The following PPP2R3C variants were observed in gnomAD, a reference collection of about 807,000 sequenced individuals.
The protein encoded by PPP2R3C is serine/threonine-protein phosphatase 2A regulatory subunit B'' subunit gamma.
In PPP2R3C, 47 loss-of-function variants were observed where a neutral mutation model predicts 63.7. The observed-to-expected ratio is 0.74, with a 90% confidence interval of 0.58 to 0.94. The LOEUF is 0.94. PPP2R3C is among the 40% of genes least tolerant of loss of function. The pLI is 0.00. For missense variants in PPP2R3C, 421 were observed against 518.4 expected, an observed-to-expected ratio of 0.81 and a Z score of 1.82; for synonymous variants, 180 against 177.4, an observed-to-expected ratio of 1.01 and a Z score of -0.12.
intron 12 of PPP2R3C, 117 bp from the exon 13 acceptor site, chr14:35,085,895 C>T: frequency 1.3e-6 from 1 of 766,838 alleles, no homozygotes; most frequent in Non-Finnish European, 2.0e-6. Context: ...AAATTGAGGG[C>T]TGCCACTTGG....
intron 7 of PPP2R3C, among the ~76,000 whole-genome samples, 178 bp from the exon 8 acceptor site, chr14:35,096,942 C>T (rs1275728436): frequency 2.0e-5 from 3 of 152,160 alleles, no homozygotes; most frequent in Non-Finnish European, 4.4e-5. Context: ...CGGCTGGGCG[C>T]GGTGGCTCAC....
At chr14:35,111,925 T>A (rs2046574917) in intron 2 of PPP2R3C, among the ~76,000 whole-genome samples, 1 of 152,074 alleles carries the variant, frequency 6.6e-6, no homozygotes, top group African/African-American at 2.4e-5. Flanking sequence ...ATAATAAAAC[T>A]CCTGTCTCCC....
At chr14:35,118,422 C>T (rs985421785) in intron 1 of PPP2R3C, among the ~76,000 whole-genome samples, 4 of 152,086 alleles carry the variant, frequency 2.6e-5, no homozygotes, top group Non-Finnish European at 5.9e-5. Flanking sequence ...GATGAAGGAA[C>T]CAGACTTACG....
intron 7 of PPP2R3C, among the ~76,000 whole-genome samples, chr14:35,098,070 C>T (rs531491166): frequency 2.0e-5 from 3 of 151,946 alleles, no homozygotes; most frequent in East Asian, 1.9e-4. Context: ...TAAGTCAAAA[C>T]GTGATATTAT....
intron 10 of PPP2R3C, among the ~76,000 whole-genome samples, chr14:35,094,530 CAATGA>C (rs2045934149): frequency 6.9e-6 from 1 of 145,038 alleles, no homozygotes. Flanking sequence ...GGTGCACTGA[CAATGA>C]AATGAACAAT....
intron 2 of PPP2R3C, among the ~76,000 whole-genome samples, chr14:35,111,775 C>T (rs538990416): frequency 3.3e-5 from 5 of 152,276 alleles, no homozygotes; most frequent in South Asian, 2.1e-4. Flanking sequence ...AGACTCAGCA[C>T]GCAAGGACCA....
rs2045905555 is a variant in PPP2R3C, at chr14:35,093,659, T to G, written c.975+1389A>C. Among the ~76,000 whole-genome samples, 3 of 152,154 alleles carry G rather than the reference T, an allele frequency of 2.0e-5. No homozygotes were observed. The South Asian group carries it at 6.2e-4, about 32-fold the overall frequency. On this transcript the variant is annotated intron_variant, in intron 10 of 12. Coordinates refer to ENST00000261475, the MANE Select transcript of PPP2R3C (RefSeq NM_017917.4). ...TTGGGAAATTTATCAGATTCTTTTT[T>G]TTTTTGAGATGGAGTCTCGCTCAGT...
intron 10 of PPP2R3C, among the ~76,000 whole-genome samples, chr14:35,092,238 T>G: frequency 6.6e-6 from 1 of 151,894 alleles, no homozygotes; most frequent in Non-Finnish European, 1.5e-5. Flanking sequence ...TTGGCTAATT[T>G]TTTAAATTCT....
intron 6 of PPP2R3C, among the ~76,000 whole-genome samples, chr14:35,103,657 C>T (rs2046261574): frequency 6.6e-6 from 1 of 151,886 alleles, no homozygotes; most frequent in Admixed American, 6.6e-5. Context: ...ATTCCATCTA[C>T]AGAAATCTGG....
intron 1 of PPP2R3C, among the ~76,000 whole-genome samples, chr14:35,121,276 C>T (rs1409205226): frequency 6.6e-6 from 1 of 152,056 alleles, no homozygotes; most frequent in Non-Finnish European, 1.5e-5. Context: ...ACTCCAGAGG[C>T]TGAGGCAGAA....
At chr14:35,118,936 G>T (rs2046782224) in intron 1 of PPP2R3C, among the ~76,000 whole-genome samples, 2 of 151,818 alleles carry the variant, frequency 1.3e-5, no homozygotes, top group African/African-American at 2.4e-5. Flanking sequence ...ACAGGCATGA[G>T]CCACTGCGCC....
intron 1 of PPP2R3C, 89 bp downstream of exon 1, chr14:35,121,813 C>A: frequency 7.1e-7 from 1 of 1,410,812 alleles, no homozygotes; most frequent in Non-Finnish European, 9.9e-7. Context: ...GAAAAGGCGG[C>A]TCCCCCTTGC....
intron 7 of PPP2R3C, 152 bp from the exon 8 acceptor site, chr14:35,096,916 AC>A: frequency 1.2e-6 from 1 of 814,084 alleles, no homozygotes; most frequent in Non-Finnish European, 1.8e-6. Context: ...ACATATTGCT[AC>A]AAAAAGGGAA....
In PPP2R3C at chr14:35,095,125, G is replaced by C. The variant is rs373692237; in HGVS notation, c.898C>G (p.Arg300Gly). 2 of 1,612,254 alleles carry C rather than the reference G, an allele frequency of 1.2e-6. No homozygotes were observed. Among genetic ancestry groups the C allele is most frequent in the East Asian group, 2.2e-5 (1 of 44,878 alleles). ...NGMLSKEELS[R>G]YGTATMTNVF... ...TTGGTCATGGTAGCTGTTCCATAGC[G>C]TGAGAGTTCTTCTTTACTGAGCATG... Residue 300 changes from arginine (R) to glycine (G), a missense_variant, in exon 10 of 13, where the codon CGC becomes GGC. Physicochemically the swap from Arg to Gly is moderately radical, Grantham distance 125 (BLOSUM62 -2). Coordinates refer to ENST00000261475, the MANE Select transcript of PPP2R3C (RefSeq NM_017917.4).
chr14:35,087,619 T>G (rs1380993895), intron 12 of PPP2R3C: 2 of 246,484 alleles, frequency 8.1e-6, no homozygotes, highest in African/African-American at 2.3e-5. Context: ...AGGCTGGTCT[T>G]GAACTCCTGA....
At chr14:35,087,663 G>T (rs940527349) in intron 12 of PPP2R3C, 1 of 327,756 alleles carries the variant, frequency 3.1e-6, no homozygotes, top group Admixed American at 4.4e-5. Flanking sequence ...GCCTCCCAAC[G>T]TGCTGGGATT....
intron 7 of PPP2R3C, 46 bp downstream of exon 7, chr14:35,099,206 T>G: frequency 1.4e-6 from 2 of 1,455,310 alleles, no homozygotes; most frequent in Non-Finnish European, 1.8e-6. Context: ...GATTTAGATA[T>G]AATAATATCC....
chr14:35,117,918 T>C (rs1239824024), intron 1 of PPP2R3C, among the ~76,000 whole-genome samples: 3 of 152,180 alleles, frequency 2.0e-5, no homozygotes, highest in Non-Finnish European at 4.4e-5. Flanking sequence ...GGTCTTGAAC[T>C]CCTGACCTCA....
chr14:35,120,500 C>G (rs1021947451), intron 1 of PPP2R3C, among the ~76,000 whole-genome samples: 1 of 152,072 alleles, frequency 6.6e-6, no homozygotes, highest in Admixed American at 6.6e-5. Context: ...CCGCCTCGGC[C>G]TCCCAAAGTG....
Sources: allele counts gnomAD v4.1 joint callset (sites outside exome capture counted in the v4.1 genomes callset), GRCh38; gene constraint gnomAD v4.1.1; transcripts MANE v1.5; gene names NCBI Gene and HGNC (gene_info 2026-07-23, HGNC 2026-07-21).